ACADSB: variants seen among roughly 807,000 people sequenced by gnomAD.
ACADSB encodes the protein acyl-CoA dehydrogenase short/branched chain.
ACADSB carries 40 observed loss-of-function variants against 54.1 expected under a neutral mutation model. The ratio of observed to expected loss-of-function variants is 0.74; its 90% CI spans 0.57 to 0.96. The LOEUF (loss-of-function observed/expected upper bound fraction) is 0.96, where lower values mean the gene tolerates loss of function less well. Among genes scored for constraint, ACADSB ranks in the 40% least tolerant of loss-of-function variants. ACADSB has a pLI of 0.00. For missense variants in ACADSB, 530 were observed against 510.4 expected (o/e 1.04, Z -0.37); for synonymous variants, 182 against 182.8 (o/e 1.00, Z 0.03).
chr10:123,048,851 C>T (rs1474533841), intron 8 of ACADSB, among the ~76,000 whole-genome samples: 2 of 152,078 alleles, frequency 1.3e-5, no homozygotes, highest in East Asian at 3.9e-4. Flanking sequence ...GCCTCAGGCT[C>T]CTGAGTAGCT....
chr10:123,031,857 C>G (rs931893958), intron 1 of ACADSB, among the ~76,000 whole-genome samples: 1 of 152,106 alleles, frequency 6.6e-6, no homozygotes, highest in Non-Finnish European at 1.5e-5. Context: ...TTTGAATGGT[C>G]CTATACTTTG....
intron 8 of ACADSB, among the ~76,000 whole-genome samples, chr10:123,048,520 G>A (rs1850589660): frequency 6.6e-6 from 1 of 152,078 alleles, no homozygotes; most frequent in Admixed American, 6.5e-5. Context: ...GAAAGAGACA[G>A]AATGTAAAGG....
At chr10:123,026,924 A>T (rs1429516160) in intron 1 of ACADSB, among the ~76,000 whole-genome samples, 1 of 152,086 alleles carries the variant, frequency 6.6e-6, no homozygotes, top group Non-Finnish European at 1.5e-5. Flanking sequence ...CTGGATGAGG[A>T]TGTGATAACA....
chr10:123,016,988 G>T (rs1850117071), intron 1 of ACADSB, among the ~76,000 whole-genome samples: 1 of 152,012 alleles, frequency 6.6e-6, no homozygotes, highest in South Asian at 2.1e-4. Flanking sequence ...ACTCAATTTG[G>T]TAACCCCCTG....
chr10:123,026,810 C>G (rs1379721275), intron 1 of ACADSB, among the ~76,000 whole-genome samples: 13 of 151,144 alleles, frequency 8.6e-5, no homozygotes, highest in Non-Finnish European at 1.6e-4. Flanking sequence ...AACGTGTATT[C>G]CTATTTGCTT....
Position 123,040,680 on chromosome 10 carries a change from G to A in ACADSB, c.510+8G>A, listed in dbSNP as rs767301576. The A allele has an allele frequency of 1.2e-6, 2 of 1,605,424 alleles. No homozygotes were observed. The highest frequency in any genetic ancestry group is 2.2e-5 in the South Asian group (2 of 90,854). On this transcript the variant is annotated splice_region_variant and intron_variant, in intron 4 of 10. Transcript: ENST00000358776. ...CAGCTCACTACAGAAAAAGTGAGTT[G>A]AGATGAATTGTTGATCTAATGGATC... is the stretch of plus-strand genomic sequence containing the variant.
chr10:123,040,183 TAAAAAA>T (rs11363649), intron 3 of ACADSB, among the ~76,000 whole-genome samples: 136 of 138,914 alleles, frequency 9.8e-4, no homozygotes, highest in African/African-American at 2.8e-3. Context: ...CCATCTCTAC[TAAAAAA>T]AAAAAAAAAA....
intron 1 of ACADSB, 35 bp from the exon 2 acceptor site, chr10:123,034,321 A>G (rs1329521333): frequency 1.0e-5 from 16 of 1,603,420 alleles, no homozygotes; most frequent in Non-Finnish European, 1.4e-5. Context: ...ATGATATTCA[A>G]GTACCTTTCT....
intron 1 of ACADSB, among the ~76,000 whole-genome samples, chr10:123,019,976 A>T (rs531420339): frequency 6.6e-6 from 1 of 152,154 alleles, no homozygotes; most frequent in East Asian, 1.9e-4. Flanking sequence ...TTTTTTGCTG[A>T]ATAGAATTTA....
chr10:123,022,781 A>G (rs1027248777), intron 1 of ACADSB, among the ~76,000 whole-genome samples: 3 of 152,242 alleles, frequency 2.0e-5, no homozygotes, highest in African/African-American at 7.2e-5. Context: ...AGATATGGGC[A>G]TTTATACATA....
chr10:123,014,979 G>A (rs17660083), intron 1 of ACADSB, among the ~76,000 whole-genome samples: 4,120 of 152,312 alleles, frequency 0.027, 89 homozygotes, highest in Non-Finnish European at 0.044. Flanking sequence ...TGATCTCAAA[G>A]CAGTGAGGAG....
Position 123,052,730 on chromosome 10 carries a change from C to T in ACADSB, c.1129-331C>T, listed in dbSNP as rs1450922403. The T allele has an allele frequency of 4.0e-5, 13 of 325,530 alleles. No homozygotes were observed. In the East Asian group the frequency reaches 6.9e-4, roughly 17 times the overall value. 20.2% of individuals were successfully genotyped at this position (325,530 alleles called of 1,614,324 possible). On this transcript the variant is annotated intron_variant, in intron 9 of 10. Coordinates refer to ENST00000358776, the MANE Select transcript of ACADSB (RefSeq NM_001609.4). The surrounding 1 kb of genome is among the most constrained non-coding windows in gnomAD (Gnocchi z 4.2). ...AGCTCATTCTCCCCTTGGAGGATTT[C>T]GACGTGTTGGTCCTCAGCTTGAAAT...
At chr10:123,029,211 G>T (rs1850293650) in intron 1 of ACADSB, among the ~76,000 whole-genome samples, 1 of 152,180 alleles carries the variant, frequency 6.6e-6, no homozygotes, top group African/African-American at 2.4e-5. Context: ...GCTGGGCATG[G>T]TGGCATATAC....
rs2073142813 is a variant in ACADSB at position 123,052,429 on chromosome 10, C to T, written c.1129-632C>T. 1.3e-5 allele frequency among the ~76,000 whole-genome samples: 2 copies of T among 152,212 alleles called. No homozygotes were observed. Among genetic ancestry groups the T allele is most frequent in the Admixed American group, 6.5e-5 (1 of 15,282 alleles). ...CTGTCTCCATGGTCACGTCACCTTC[C>T]ATGACTAACTCTCCTGCCTCCTCCT... On this transcript the variant is annotated intron_variant, in intron 9 of 10. Transcript: ENST00000358776. This position sits in a 1 kb window ranked among gnomAD's most constrained non-coding sequence, Gnocchi z 4.2.
At chr10:123,039,955 C>A (rs1850447886) in intron 3 of ACADSB, among the ~76,000 whole-genome samples, 1 of 152,036 alleles carries the variant, frequency 6.6e-6, no homozygotes, top group African/African-American at 2.4e-5. Flanking sequence ...TTATCCTTTT[C>A]AAATATACAG....
intron 1 of ACADSB, 125 bp downstream of exon 1, chr10:123,009,196 C>T: frequency 1.8e-6 from 2 of 1,093,530 alleles, no homozygotes; most frequent in Admixed American, 2.2e-5. Context: ...GTCCTGGGTC[C>T]CCAGACTCTT....
At chr10:123,029,071 T>G (rs9423250) in intron 1 of ACADSB, among the ~76,000 whole-genome samples, 75,602 of 150,608 alleles carry the variant, frequency 0.5, 20,019 homozygotes, top group Non-Finnish European at 0.61. Flanking sequence ...AACAGACCAG[T>G]CATGGTGGCT....
chr10:123,035,173 G>A lies in ACADSB; in HGVS notation c.202+658G>A, dbSNP rs113724119. On this transcript the variant is annotated intron_variant, in intron 2 of 10. Coordinates refer to ENST00000358776, the MANE Select transcript of ACADSB (RefSeq NM_001609.4). The stretch of plus-strand genomic sequence containing the variant: ...TGGTTTCACCGTGTTAGTCAGGATG[G>A]TCTCGATCTCCTGACCTCATGATCT... 2.3e-3 allele frequency among the ~76,000 whole-genome samples: 356 copies of A among 152,174 alleles called. 2 individuals are homozygous for A. Among genetic ancestry groups the A allele is most frequent in the African/African-American group, 7.9e-3 (328 of 41,528 alleles).
Position 123,056,856 on chromosome 10 carries a change from T to C in ACADSB, c.*3091T>C, listed in dbSNP as rs967892047. On this transcript the variant is annotated 3_prime_UTR_variant, in exon 11 of 11. Transcript: ENST00000358776. ...TTCTATAATGCAAATCAGAGTTAAA[T>C]ATTAAAAATTGTGTAAATACAATTG... 4.6e-5 allele frequency: 7 copies of C among 152,672 alleles called. No individual in the cohort carries two copies. The highest frequency in any genetic ancestry group is 7.3e-5 in the Non-Finnish European group (5 of 68,044). The allele number at this position is 152,672 out of a possible 1,614,324, so 9.5% of individuals were successfully genotyped here. A position where few individuals can be genotyped will look rare whatever the true frequency, so the allele number is the denominator to read the frequency against.
Sources: allele counts gnomAD v4.1 joint callset (sites outside exome capture counted in the v4.1 genomes callset), GRCh38; gene constraint gnomAD v4.1.1; non-coding constraint Gnocchi (gnomAD v3.1); transcripts MANE v1.5; gene names NCBI Gene and HGNC (gene_info 2026-07-23, HGNC 2026-07-21).